Variants in STPG2 observed in about 807,000 individuals in gnomAD.
The protein encoded by STPG2 is sperm-tail PG-rich repeat-containing protein 2.
STPG2 carries 56 observed loss-of-function variants against 54.2 expected under a neutral mutation model. That is an observed-to-expected ratio of 1.03 (90% CI 0.83 to 1.29). The LOEUF is 1.29. STPG2 is among the 50% of genes most tolerant of loss of function. The pLI, the probability that STPG2 is intolerant of heterozygous loss-of-function variation, is 0.00. For missense variants in STPG2, 596 were observed against 544.9 expected (o/e 1.09, Z -0.93); for synonymous variants, 200 against 181.8 (o/e 1.10, Z -0.81).
intron 9 of STPG2, among the ~76,000 whole-genome samples, chr4:97,784,704 A>G (rs1320677536): frequency 7.3e-5 from 1 of 13,650 alleles, no homozygotes; most frequent in Non-Finnish European, 1.3e-4. Flanking sequence ...TTACTATAGT[A>G]TTACAAAGAA....
chr4:97,520,498 T>A (rs76187561), intron 4 of STPG2, among the ~76,000 whole-genome samples: 1 of 152,050 alleles, frequency 6.6e-6, no homozygotes, highest in Non-Finnish European at 1.5e-5. Context: ...GATCCTCTTA[T>A]GAGAATAAAA....
chr4:97,739,336 T>C (rs895072590), intron 9 of STPG2, among the ~76,000 whole-genome samples: 9 of 152,160 alleles, frequency 5.9e-5, no homozygotes, highest in Admixed American at 5.2e-4. Flanking sequence ...ATTCAAAAGC[T>C]AGCAGAAGGC....
intron 10 of STPG2, among the ~76,000 whole-genome samples, chr4:97,653,714 G>C (rs1367484703): frequency 6.6e-6 from 1 of 152,120 alleles, no homozygotes; most frequent in East Asian, 1.9e-4. Flanking sequence ...AGCAGTTAAG[G>C]ACAAGTAGAA....
intron 5 of STPG2, among the ~76,000 whole-genome samples, chr4:98,083,056 A>T (rs1165754146): frequency 6.6e-6 from 1 of 152,122 alleles, no homozygotes; most frequent in Non-Finnish European, 1.5e-5. Context: ...AAAATTTCTT[A>T]TCAAGACCTA....
chr4:98,022,531 G>A (rs1084774), intron 5 of STPG2, among the ~76,000 whole-genome samples: 63,449 of 149,342 alleles, frequency 0.42, 13,988 homozygotes, highest in Admixed American at 0.54. Context: ...TCTTTGTGGC[G>A]TTCTCTGTAT....
At chr4:97,775,228 G>T (rs1726338937) in intron 9 of STPG2, among the ~76,000 whole-genome samples, 1 of 152,056 alleles carries the variant, frequency 6.6e-6, no homozygotes. Context: ...GAGTAGCATT[G>T]CAATGTAAAG....
intron 4 of STPG2, among the ~76,000 whole-genome samples, chr4:97,508,664 T>A (rs1383866643): frequency 6.6e-6 from 1 of 152,094 alleles, no homozygotes; most frequent in Non-Finnish European, 1.5e-5. Context: ...TAATAAAAAG[T>A]ATGTTTAGAA....
At chr4:97,868,894 T>C (rs1729884736) in intron 8 of STPG2, among the ~76,000 whole-genome samples, 1 of 151,972 alleles carries the variant, frequency 6.6e-6, no homozygotes, top group South Asian at 2.1e-4. Context: ...TTTTTTGTTA[T>C]AATTTATCAA....
intron 10 of STPG2, among the ~76,000 whole-genome samples, chr4:97,662,308 C>T (rs1722396508): frequency 6.6e-6 from 1 of 151,992 alleles, no homozygotes; most frequent in Non-Finnish European, 1.5e-5. Context: ...CAGATAAATG[C>T]AAATCAAAAC....
intron 10 of STPG2, among the ~76,000 whole-genome samples, chr4:97,580,342 C>T (rs1337855174): frequency 6.6e-6 from 1 of 151,890 alleles, no homozygotes; most frequent in Non-Finnish European, 1.5e-5. Flanking sequence ...AATATTATCA[C>T]TGCTATAGAA....
At chr4:97,782,468 A>G (rs879162573) in intron 9 of STPG2, among the ~76,000 whole-genome samples, 11 of 152,220 alleles carry the variant, frequency 7.2e-5, no homozygotes, top group African/African-American at 2.4e-4. Context: ...GCTCATGGAT[A>G]GGAAGAATCA....
At chr4:97,741,992 A>T in intron 9 of STPG2, among the ~76,000 whole-genome samples, 1 of 152,166 alleles carries the variant, frequency 6.6e-6, no homozygotes, top group East Asian at 1.9e-4. Flanking sequence ...AGACTGGATT[A>T]AGAAAATGTG....
At chr4:98,054,025 G>A (rs546606855) in intron 5 of STPG2, among the ~76,000 whole-genome samples, 1 of 151,932 alleles carries the variant, frequency 6.6e-6, no homozygotes, top group Non-Finnish European at 1.5e-5. Context: ...TCTAACTTCT[G>A]GCTAAATCTT....
chr4:97,688,438 C>T (rs1723265118), intron 10 of STPG2, among the ~76,000 whole-genome samples: 1 of 152,146 alleles, frequency 6.6e-6, no homozygotes, highest in Admixed American at 6.5e-5. Flanking sequence ...GCAATCTCGG[C>T]TCACTGGACG....
chr4:97,613,845 C>CTCT (rs1553942674), intron 10 of STPG2, among the ~76,000 whole-genome samples: 1 of 151,850 alleles, frequency 6.6e-6, no homozygotes, highest in Non-Finnish European at 1.5e-5. Flanking sequence ...ATGTAAGATG[C>CTCT]TCTAGATTCA....
chr4:98,009,302 A>G (rs1735665747), intron 5 of STPG2, among the ~76,000 whole-genome samples: 1 of 151,440 alleles, frequency 6.6e-6, no homozygotes, highest in Non-Finnish European at 1.5e-5. Context: ...TTATCTCAAG[A>G]TATCTTTTTA....
chr4:98,047,453 T>A (rs1001588938), intron 5 of STPG2, among the ~76,000 whole-genome samples: 2 of 152,128 alleles, frequency 1.3e-5, no homozygotes, highest in African/African-American at 4.8e-5. Context: ...GCAAATCCCT[T>A]CCAGGGAGAA....
chr4:97,738,326 A>C (rs1407178674), intron 9 of STPG2, among the ~76,000 whole-genome samples: 2 of 152,206 alleles, frequency 1.3e-5, no homozygotes, highest in Non-Finnish European at 2.9e-5. Context: ...TAACCAGCTA[A>C]CATTAAAATG....
intron 10 of STPG2, among the ~76,000 whole-genome samples, chr4:97,632,166 T>G (rs906042574): frequency 6.6e-6 from 1 of 152,062 alleles, no homozygotes; most frequent in African/African-American, 2.4e-5. Flanking sequence ...ATCCTTTTTA[T>G]GGCAATAAAC....
Sources: gnomAD v4.1 joint callset for allele counts (sites outside exome capture counted in the v4.1 genomes callset) on GRCh38, gnomAD v4.1.1 for gene constraint, MANE v1.5 for transcripts, NCBI Gene and HGNC (gene_info 2026-07-23, HGNC 2026-07-21) for gene names.